Variants in TTC28 observed in about 807,000 individuals in gnomAD.
TTC28 encodes the protein tetratricopeptide repeat domain 28, also known as tetratricopeptide repeat protein 28.
TTC28 carries 61 observed loss-of-function variants against 198.0 expected under a neutral mutation model. The ratio of observed to expected loss-of-function variants is 0.31; its 90% CI spans 0.25 to 0.38. The LOEUF (loss-of-function observed/expected upper bound fraction) is 0.38. Ranked by LOEUF, TTC28 falls within the 10% of genes least tolerant of loss-of-function variation. The pLI is 1.00. For missense variants in TTC28, 2,678 were observed against 3,164.0 expected (o/e 0.85, Z 3.69); for synonymous variants, 1,171 against 1,297.8 (o/e 0.90, Z 2.10).
intron 2 of TTC28, among the ~76,000 whole-genome samples, chr22:28,474,286 G>C (rs1018859184): frequency 1.3e-5 from 2 of 152,156 alleles, no homozygotes; most frequent in Admixed American, 1.3e-4. Flanking sequence ...AGCCAGTAAG[G>C]AAAGCTGAGA....
intron 2 of TTC28, among the ~76,000 whole-genome samples, chr22:28,605,897 G>A (rs994002999): frequency 3.3e-5 from 5 of 152,004 alleles, no homozygotes; most frequent in Admixed American, 3.3e-4. Context: ...TAAACTGCAT[G>A]GTGTCCACAG....
chr22:28,187,793 T>A (rs1050110475), intron 5 of TTC28, among the ~76,000 whole-genome samples: 1 of 152,212 alleles, frequency 6.6e-6, no homozygotes, highest in Non-Finnish European at 1.5e-5. Flanking sequence ...ATATTCATCA[T>A]TGGATACTTA....
intron 3 of TTC28, among the ~76,000 whole-genome samples, chr22:28,300,710 G>C (rs946363533): frequency 7.2e-5 from 11 of 152,162 alleles, no homozygotes; most frequent in African/African-American, 2.7e-4. Context: ...GTAGGGCTTA[G>C]ACAAGTCTTT....
chr22:28,102,263 C>T (rs1243673099), intron 8 of TTC28, among the ~76,000 whole-genome samples: 1 of 152,198 alleles, frequency 6.6e-6, no homozygotes, highest in Non-Finnish European at 1.5e-5. Context: ...GTTACTGACA[C>T]ATTTCATGTC....
chr22:28,618,073 G>C (rs1273715418), intron 2 of TTC28, among the ~76,000 whole-genome samples: 1 of 151,614 alleles, frequency 6.6e-6, no homozygotes, highest in Non-Finnish European at 1.5e-5. Flanking sequence ...AGAAGTTCGA[G>C]ACCAGCCTGG....
chr22:28,497,806 G>GA (rs1399358077), intron 2 of TTC28, among the ~76,000 whole-genome samples: 2 of 152,136 alleles, frequency 1.3e-5, no homozygotes, highest in African/African-American at 4.8e-5. Context: ...TACAAGAGTT[G>GA]AAAAATGTTT....
intron 5 of TTC28, among the ~76,000 whole-genome samples, chr22:28,200,986 A>G (rs1925880886): frequency 6.6e-6 from 1 of 152,172 alleles, no homozygotes; most frequent in African/African-American, 2.4e-5. Context: ...CCATTTATAA[A>G]GGAAAAATAG....
At position 28,083,383 on chromosome 22, in the gene TTC28, C is replaced by A. The variant is rs1941437248; in HGVS notation, c.3932+10697G>T. Among the ~76,000 whole-genome samples the A allele has an allele frequency of 2.0e-5, 3 of 152,196 alleles. No homozygotes were observed. The South Asian group carries it at 6.2e-4, about 32-fold the overall frequency. On this transcript the variant is annotated intron_variant, in intron 12 of 22. Coordinates refer to ENST00000397906, the MANE Select transcript of TTC28 (RefSeq NM_001145418.2). ...ATAAACCCAGAATACCTTCCTAGAA[C>A]TAGATCACAGTGACAGGCTCTGACA...
chr22:28,440,799 T>C (rs1046569630), intron 2 of TTC28, among the ~76,000 whole-genome samples: 3 of 152,064 alleles, frequency 2.0e-5, no homozygotes, highest in Non-Finnish European at 4.4e-5. Context: ...AGTAAGAAAA[T>C]AAACCTAATC....
chr22:28,514,053 A>G (rs945923469), intron 2 of TTC28, among the ~76,000 whole-genome samples: 6 of 152,196 alleles, frequency 3.9e-5, no homozygotes, highest in African/African-American at 1.2e-4. Context: ...GATTTTTAGT[A>G]AGGACACTGA....
chr22:28,375,338 G>A (rs2146004936), intron 2 of TTC28, among the ~76,000 whole-genome samples: 1 of 152,208 alleles, frequency 6.6e-6, no homozygotes, highest in South Asian at 2.1e-4. Flanking sequence ...TAAAGTATGT[G>A]GTGGCATCTC....
chr22:28,177,942 C>A (rs999201160), intron 5 of TTC28, among the ~76,000 whole-genome samples: 1 of 151,966 alleles, frequency 6.6e-6, no homozygotes, highest in Non-Finnish European at 1.5e-5. Context: ...ATAAATTTGT[C>A]AAAACCCACA....
intron 5 of TTC28, among the ~76,000 whole-genome samples, chr22:28,243,730 T>C (rs1036251132): frequency 2.6e-5 from 4 of 152,044 alleles, no homozygotes; most frequent in African/African-American, 9.7e-5. Context: ...ATAATGAGAA[T>C]GTCCTCTGAC....
chr22:28,559,365 T>C (rs543815603), intron 2 of TTC28, among the ~76,000 whole-genome samples: 9 of 152,320 alleles, frequency 5.9e-5, no homozygotes, highest in African/African-American at 2.2e-4. Flanking sequence ...CACAGTAACT[T>C]CAGTTTTTTA....
intron 6 of TTC28, among the ~76,000 whole-genome samples, chr22:28,116,187 G>A (rs1942624252): frequency 6.6e-6 from 1 of 152,054 alleles, no homozygotes. Flanking sequence ...AATGAGCAGT[G>A]ACGAGCCCAC....
intron 5 of TTC28, among the ~76,000 whole-genome samples, chr22:28,186,669 G>T (rs1407738651): frequency 6.6e-6 from 1 of 152,152 alleles, no homozygotes; most frequent in Non-Finnish European, 1.5e-5. Context: ...AATAGAGACT[G>T]CTGGAAATCA....
chr22:28,004,139 G>A (rs1303851488), intron 14 of TTC28, among the ~76,000 whole-genome samples: 1 of 152,252 alleles, frequency 6.6e-6, no homozygotes, highest in African/African-American at 2.4e-5. Context: ...GGCCCACCCA[G>A]GAGGGTCCGT....
chr22:28,087,584 C>G (rs1422243791), intron 12 of TTC28, among the ~76,000 whole-genome samples: 1 of 152,122 alleles, frequency 6.6e-6, no homozygotes, highest in African/African-American at 2.4e-5. Flanking sequence ...TGGAAGCATT[C>G]CCTTTGAAAA....
At chr22:28,129,374 G>C (rs980058362) in intron 6 of TTC28, among the ~76,000 whole-genome samples, 2 of 152,194 alleles carry the variant, frequency 1.3e-5, no homozygotes, top group Non-Finnish European at 2.9e-5. Flanking sequence ...GTTTTGTAAT[G>C]CTCCCCAGGT....
Sources: allele counts gnomAD v4.1 joint callset (sites outside exome capture counted in the v4.1 genomes callset), GRCh38; gene constraint gnomAD v4.1.1; transcripts MANE v1.5; gene names NCBI Gene and HGNC (gene_info 2026-07-23, HGNC 2026-07-21).